GEMIN8: variants seen among roughly 807,000 people sequenced by gnomAD.
GEMIN8 encodes the protein gem nuclear organelle associated protein 8, also known as gem-associated protein 8.
For missense variants in GEMIN8, 185 were observed against 205.9 expected (o/e 0.90, Z 0.62); for synonymous variants, 80 against 78.5 (o/e 1.02, Z -0.10).
At chrX:14,002,155 T>C (rs1347061762), downstream of GEMIN8, among the ~76,000 whole-genome samples, 2 of 102,742 alleles carry the variant, frequency 1.9e-5, no homozygotes, top group African/African-American at 3.6e-5. Context: ...TTCCATCCTA[T>C]GAAATTTCTC....
At chrX:13,992,963 T>C in the GEMIN8 span, among the ~76,000 whole-genome samples, 1 of 111,136 alleles carries the variant, frequency 9.0e-6, no homozygotes, top group Non-Finnish European at 1.9e-5. Context: ...GGCTTTCTGA[T>C]AGGTTGGTTG....
chrX:14,016,624 C>T (rs1923917332), intron 4 of GEMIN8, among the ~76,000 whole-genome samples: 1 of 107,676 alleles, frequency 9.3e-6, no homozygotes, highest in Admixed American at 1.0e-4. Flanking sequence ...GCAGGTGGAT[C>T]ACCTGAGGTC....
chrX:14,024,443 G>A (rs1924562403), intron 2 of GEMIN8, among the ~76,000 whole-genome samples: 1 of 111,218 alleles, frequency 9.0e-6, no homozygotes, highest in Admixed American at 9.5e-5. Flanking sequence ...AGGTTGCAGT[G>A]AGCTGAGATC....
Position 14,009,174 on chromosome X carries a change from GAACA to G in GEMIN8, c.473-9_473-6del, listed in dbSNP as rs1208229803. 5.5e-5 allele frequency: 66 copies of G among 1,207,639 alleles called. No homozygotes were observed. The highest frequency in any genetic ancestry group is 7.2e-5 in the Non-Finnish European group (64 of 893,112). ...CATCCAGCTGCTGCTGCCGCCCTGA[GAACA>G]AACACGAACGTGAACATGAACATAA... On this transcript the variant is annotated splice_polypyrimidine_tract_variant and splice_region_variant and intron_variant, in intron 4 of 4. Coordinates refer to ENST00000680255, the MANE Select transcript of GEMIN8 (RefSeq NM_001042479.2).
the GEMIN8 span, among the ~76,000 whole-genome samples, chrX:13,992,673 T>A: frequency 9.0e-6 from 1 of 111,260 alleles, no homozygotes; most frequent in East Asian, 2.8e-4. Context: ...AGGAAGTCAA[T>A]GGGGCTGGAG....
At chrX:14,004,546 G>A (rs746971631), downstream of GEMIN8, among the ~76,000 whole-genome samples, 5 of 111,967 alleles carry the variant, frequency 4.5e-5, no homozygotes, top group Non-Finnish European at 9.4e-5. Context: ...ATCTCTCTAC[G>A]TCCTTGCCAC....
chrX:13,996,420 G>A, the GEMIN8 span, among the ~76,000 whole-genome samples: 2 of 111,899 alleles, frequency 1.8e-5, no homozygotes, highest in African/African-American at 3.3e-5. Flanking sequence ...GGCTGGAGAG[G>A]CCTTGCAATC....
chrX:13,987,528 T>A, the GEMIN8 span, among the ~76,000 whole-genome samples: 2 of 111,551 alleles, frequency 1.8e-5, no homozygotes, highest in Non-Finnish European at 3.8e-5. Flanking sequence ...CATCCCATTG[T>A]CAAGGGCCTA....
intron 2 of GEMIN8, among the ~76,000 whole-genome samples, chrX:14,024,107 G>A (rs1386864395): frequency 8.9e-6 from 1 of 112,503 alleles, no homozygotes; most frequent in Non-Finnish European, 1.9e-5. Flanking sequence ...TTGCAAAGCT[G>A]GAAGTTTAGG....
chrX:14,003,644 A>T (rs1923044356), downstream of GEMIN8, among the ~76,000 whole-genome samples: 1 of 112,068 alleles, frequency 8.9e-6, no homozygotes, highest in African/African-American at 3.2e-5. Flanking sequence ...ACCCTAGCCC[A>T]CTGGGCCAAG....
the GEMIN8 span, among the ~76,000 whole-genome samples, chrX:13,986,569 C>T: frequency 1.3e-4 from 15 of 111,876 alleles, no homozygotes; most frequent in Non-Finnish European, 2.1e-4. Context: ...TTCTGGGCAG[C>T]AGGAGGAGAA....
the GEMIN8 span, among the ~76,000 whole-genome samples, chrX:13,998,998 A>C: frequency 3.6e-5 from 4 of 112,122 alleles, no homozygotes; most frequent in East Asian, 1.1e-3. Flanking sequence ...TAGACAGATA[A>C]AAATATATCT....
At chrX:13,985,339 C>A in the GEMIN8 span, among the ~76,000 whole-genome samples, 1 of 111,825 alleles carries the variant, frequency 8.9e-6, no homozygotes, top group Non-Finnish European at 1.9e-5. Context: ...CCATTTGGAG[C>A]TGGATTTAAA....
At chrX:14,021,812 G>GTA (rs1434455323) in intron 2 of GEMIN8, among the ~76,000 whole-genome samples, 1 of 44,724 alleles carries the variant, frequency 2.2e-5, no homozygotes, top group African/African-American at 1.6e-4. Flanking sequence ...GTTAATGTGT[G>GTA]TGTATATATA....
At chrX:14,017,305 G>T (rs1315620654) in intron 4 of GEMIN8, among the ~76,000 whole-genome samples, 1 of 111,668 alleles carries the variant, frequency 9.0e-6, no homozygotes, top group East Asian at 2.8e-4. Context: ...ACTGGAAAAT[G>T]AGGTTCAAGA....
chrX:14,008,709 A>G lies in GEMIN8; in HGVS notation c.*204T>C. ...ATTATTTTATGTCAGGAGAAAATTT[A>G]TCATGTTGGCAACAGAACATGTCCT... On this transcript the variant is annotated 3_prime_UTR_variant, in exon 5 of 5. Coordinates refer to ENST00000680255, the MANE Select transcript of GEMIN8 (RefSeq NM_001042479.2). 2.3e-6 allele frequency: 1 copy of G among 438,323 alleles called. No individual in the cohort carries two copies. The highest frequency in any genetic ancestry group is 4.0e-6 in the Non-Finnish European group (1 of 252,211). 36.1% of individuals were successfully genotyped at this position (438,323 alleles called of 1,213,427 possible).
chrX:14,014,752 C>T (rs1015325279), intron 4 of GEMIN8, among the ~76,000 whole-genome samples: 2 of 111,957 alleles, frequency 1.8e-5, no homozygotes, highest in East Asian at 2.8e-4. Context: ...GCAGATGTCT[C>T]CCCTCAAACG....
chrX:13,993,622 T>C, the GEMIN8 span, among the ~76,000 whole-genome samples: 1 of 108,827 alleles, frequency 9.2e-6, no homozygotes, highest in Non-Finnish European at 1.9e-5. Context: ...TGAGGTCTCA[T>C]CATGTTGCCC....
Position 14,008,908 on chromosome X carries a change from T to G in GEMIN8, c.*5A>C. ...AGGAGAGGCTGGGTACCCTGTGCCC[T>G]GAGCTCAGAACTTCAGGGGGATGAC... On this transcript the variant is annotated 3_prime_UTR_variant, in exon 5 of 5. Coordinates refer to ENST00000680255, the MANE Select transcript of GEMIN8 (RefSeq NM_001042479.2). 8.3e-7 allele frequency: 1 copy of G among 1,208,747 alleles called. No homozygotes were observed. The highest frequency in any genetic ancestry group is 1.1e-6 in the Non-Finnish European group (1 of 892,896).
Sources: gnomAD v4.1 joint callset for allele counts (sites outside exome capture counted in the v4.1 genomes callset) on GRCh38, gnomAD v4.1.1 for gene constraint, MANE v1.5 for transcripts, NCBI Gene and HGNC (gene_info 2026-07-23, HGNC 2026-07-21) for gene names.